Variants in TMCO4 observed in about 807,000 individuals in gnomAD.
TMCO4 encodes the protein transmembrane and coiled-coil domains 4.
In TMCO4, 58 loss-of-function variants were observed where a neutral mutation model predicts 64.7. That is an observed-to-expected ratio of 0.90 (90% CI 0.73 to 1.12). TMCO4 has a LOEUF of 1.12. Ranked by LOEUF, TMCO4 falls within the 50% of genes most tolerant of loss-of-function variation. The probability of loss-of-function intolerance (pLI) is 0.00; values close to 1 mark genes in which losing one functional copy is unlikely to be tolerated. For missense variants in TMCO4, 780 were observed against 825.9 expected (o/e 0.94, Z 0.68); for synonymous variants, 325 against 346.1 (o/e 0.94, Z 0.68).
At chr1:19,786,076 C>CA (rs1190802925) in intron 3 of TMCO4, among the ~76,000 whole-genome samples, 2 of 151,998 alleles carry the variant, frequency 1.3e-5, no homozygotes, top group African/African-American at 4.8e-5. Flanking sequence ...CCTGTCTTTA[C>CA]AAAAATAATA....
At chr1:19,771,186 T>C in intron 5 of TMCO4, 122 bp downstream of exon 5, 1 of 1,002,538 alleles carries the variant, frequency 1.0e-6, no homozygotes, top group Non-Finnish European at 1.5e-6. Flanking sequence ...GATATGATAT[T>C]ATGATGACAT....
At chr1:19,752,062 T>A (rs550366740) in intron 7 of TMCO4, among the ~76,000 whole-genome samples, 42 of 147,166 alleles carry the variant, frequency 2.9e-4, no homozygotes, top group Non-Finnish European at 4.7e-4. Flanking sequence ...AAAAAAAAAA[T>A]TTTTTTTTTG....
At chr1:19,705,870 T>C (rs1302841019) in intron 13 of TMCO4, among the ~76,000 whole-genome samples, 3 of 152,118 alleles carry the variant, frequency 2.0e-5, no homozygotes, top group Non-Finnish European at 4.4e-5. Flanking sequence ...CCAGGTAAAC[T>C]ACGGAAAATC....
At chr1:19,691,348 A>G (rs1309390889) in intron 15 of TMCO4, among the ~76,000 whole-genome samples, 1 of 152,230 alleles carries the variant, frequency 6.6e-6, no homozygotes, top group Non-Finnish European at 1.5e-5. Flanking sequence ...GGGTGAAGAT[A>G]CAAGTGAACT....
chr1:19,768,930 A>C (rs995866708), intron 6 of TMCO4, among the ~76,000 whole-genome samples: 8 of 152,174 alleles, frequency 5.3e-5, no homozygotes, highest in African/African-American at 1.9e-4. Context: ...TTTAAAAAAC[A>C]GTAAAGAAAG....
intron 13 of TMCO4, among the ~76,000 whole-genome samples, chr1:19,729,584 G>C (rs537659291): frequency 6.6e-6 from 1 of 151,860 alleles, no homozygotes; most frequent in South Asian, 2.1e-4. Context: ...TGGCCAACAT[G>C]GTGAAACCCC....
intron 15 of TMCO4, among the ~76,000 whole-genome samples, chr1:19,691,751 A>G (rs1160226089): frequency 2.0e-5 from 3 of 152,198 alleles, no homozygotes; most frequent in Non-Finnish European, 4.4e-5. Context: ...ACTGGGTGAT[A>G]TGGTTTAACT....
At chr1:19,786,449 G>A (rs1557624754) in intron 3 of TMCO4, among the ~76,000 whole-genome samples, 1 of 152,188 alleles carries the variant, frequency 6.6e-6, no homozygotes, top group African/African-American at 2.4e-5. Flanking sequence ...GGTGGGGTGG[G>A]CACGTCTTTG....
Position 19,790,274 on chromosome 1 carries a change from G to A in TMCO4, c.-100-3157C>T, listed in dbSNP as rs558203133. The stretch of plus-strand genomic sequence containing the variant: ...TAGGCACAGGCACAGATGTTATGAC[G>A]AAATCACCAAAAGCAATTGCAACAA... On this transcript the variant is annotated intron_variant, in intron 2 of 15. Coordinates refer to ENST00000294543, the MANE Select transcript of TMCO4 (RefSeq NM_181719.7). 7.2e-5 allele frequency among the ~76,000 whole-genome samples: 11 copies of A among 152,102 alleles called. No homozygotes were observed. The South Asian group carries it at 1.9e-3, about 26-fold the overall frequency.
At position 19,771,289 on chromosome 1, in the gene TMCO4, C is replaced by T. The variant is rs1025986032; in HGVS notation, c.354+19G>A. On this transcript the variant is annotated intron_variant, in intron 5 of 15. Coordinates refer to ENST00000294543, the MANE Select transcript of TMCO4 (RefSeq NM_181719.7). Reference sequence around the variant, plus strand: ...TTGTTCTACTGTCCCCAGCAGCCACCACCAGGTGTTGGGTGTACCTGAGTG... The same window carrying T: ...TTGTTCTACTGTCCCCAGCAGCCACTACCAGGTGTTGGGTGTACCTGAGTG... The T allele has an allele frequency of 1.4e-5, 23 of 1,608,476 alleles. No homozygotes were observed. The highest frequency in any genetic ancestry group is 2.0e-5 in the Non-Finnish European group (23 of 1,175,892).
At chr1:19,778,350 T>C (rs1258621773) in intron 4 of TMCO4, among the ~76,000 whole-genome samples, 2 of 152,108 alleles carry the variant, frequency 1.3e-5, no homozygotes, top group African/African-American at 2.4e-5. Context: ...CTTGGCTCAT[T>C]GCAACCTCTG....
At position 19,771,813 on chromosome 1, in the gene TMCO4, C is replaced by T. The variant is rs146125376; in HGVS notation, c.180-331G>A. Among the ~76,000 whole-genome samples the T allele has an allele frequency of 3.5e-3, 532 of 152,206 alleles. 5 individuals are homozygous for T. The highest frequency in any genetic ancestry group is 4.7e-3 in the Non-Finnish European group (317 of 68,022). On this transcript the variant is annotated intron_variant, in intron 4 of 15. Coordinates refer to ENST00000294543, the MANE Select transcript of TMCO4 (RefSeq NM_181719.7). Reference sequence around the variant, plus strand: ...CTGGGACTATAGGTGCCCGCCACCACGCTTGGCTATTTTTTTGTATTTTTA... The same window carrying T: ...CTGGGACTATAGGTGCCCGCCACCATGCTTGGCTATTTTTTTGTATTTTTA...
At chr1:19,702,045 C>T (rs2095275861) in intron 13 of TMCO4, among the ~76,000 whole-genome samples, 1 of 152,080 alleles carries the variant, frequency 6.6e-6, no homozygotes, top group Non-Finnish European at 1.5e-5. Context: ...TCTCGGCTCA[C>T]TGCAAGCTCC....
intron 13 of TMCO4, among the ~76,000 whole-genome samples, chr1:19,726,331 C>T (rs190029345): frequency 4.6e-5 from 7 of 152,176 alleles, no homozygotes; most frequent in South Asian, 2.1e-4. Context: ...ATGCCTGGCT[C>T]GGCCACCTTC....
chr1:19,696,626 C>T lies in TMCO4; in HGVS notation c.1383-2075G>A, dbSNP rs539727705. ...ATGGCTAGAGGGAGAAAAGGGAGAT[C>T]AATTCAAGTTATTTTATTGAACTAT... On this transcript the variant is annotated intron_variant, in intron 14 of 15. Coordinates refer to ENST00000294543, the MANE Select transcript of TMCO4 (RefSeq NM_181719.7). Among the ~76,000 whole-genome samples, 4 of 151,160 alleles carry T rather than the reference C, an allele frequency of 2.6e-5. No homozygotes were observed. The East Asian group carries it at 7.8e-4, about 29-fold the overall frequency.
chr1:19,733,533 C>A lies in TMCO4; in HGVS notation c.1264+3839G>T, dbSNP rs928262986. Among the ~76,000 whole-genome samples the A allele has an allele frequency of 3.3e-5, 5 of 152,300 alleles. No homozygotes were observed. In the South Asian group the frequency reaches 8.3e-4, roughly 25 times the overall value. On this transcript the variant is annotated intron_variant, in intron 13 of 15. Coordinates refer to ENST00000294543, the MANE Select transcript of TMCO4 (RefSeq NM_181719.7). ...ACAAGAAGGAGAAACAGGGCCCCTG[C>A]CCACCTTCACCCTGTGCGTGGGCTG... is the stretch of plus-strand genomic sequence containing the variant.
intron 13 of TMCO4, among the ~76,000 whole-genome samples, chr1:19,721,284 T>C (rs1387392734): frequency 1.3e-4 from 18 of 139,164 alleles, no homozygotes; most frequent in Admixed American, 1.3e-3. Context: ...TCCTGCAGAC[T>C]ATTCTCTCCA....
chr1:19,686,396 G>A (rs941471748), intron 15 of TMCO4, among the ~76,000 whole-genome samples: 3 of 152,198 alleles, frequency 2.0e-5, no homozygotes, highest in African/African-American at 7.2e-5. Flanking sequence ...GGGAATCTCA[G>A]AAAACAGCAC....
intron 13 of TMCO4, among the ~76,000 whole-genome samples, chr1:19,711,130 CAAG>C (rs1199545927): frequency 1.3e-5 from 2 of 152,218 alleles, no homozygotes; most frequent in African/African-American, 4.8e-5. Flanking sequence ...CAGTAGAGAA[CAAG>C]AAGTTTCATT....
Sources: gnomAD v4.1 joint callset for allele counts (sites outside exome capture counted in the v4.1 genomes callset) on GRCh38, gnomAD v4.1.1 for gene constraint, MANE v1.5 for transcripts, NCBI Gene and HGNC (gene_info 2026-07-23, HGNC 2026-07-21) for gene names.